Variants in DEPTOR observed in about 807,000 individuals in gnomAD.
DEPTOR encodes DEP domain-containing mTOR-interacting protein.
DEPTOR carries 41 observed loss-of-function variants against 41.6 expected under a neutral mutation model. That is an observed-to-expected ratio of 0.98 (90% CI 0.77 to 1.28). The LOEUF (loss-of-function observed/expected upper bound fraction) is 1.28, where lower values mean the gene tolerates loss of function less well. Among genes scored for constraint, DEPTOR ranks in the 50% most tolerant of loss-of-function variants. The pLI is 0.00. For synonymous variants in DEPTOR, 195 were observed against 192.3 expected, an observed-to-expected ratio of 1.01 and a Z score of -0.12; for missense variants, 514 against 527.9, an observed-to-expected ratio of 0.97 and a Z score of 0.26.
intron 1 of DEPTOR, among the ~76,000 whole-genome samples, chr8:119,908,214 GCT>G (rs538625798): frequency 9.9e-4 from 151 of 152,238 alleles, no homozygotes; most frequent in African/African-American, 3.6e-3. Flanking sequence ...GGGCATGGAA[GCT>G]CTGTGTCCCC....
intron 1 of DEPTOR, among the ~76,000 whole-genome samples, chr8:119,920,084 T>A (rs1315132918): frequency 2.1e-5 from 3 of 146,198 alleles, no homozygotes; most frequent in African/African-American, 7.8e-5. Context: ...CTGAGATGAA[T>A]AATAGGAAGG....
intron 3 of DEPTOR, among the ~76,000 whole-genome samples, chr8:119,931,497 T>C (rs1299295536): frequency 2.6e-5 from 4 of 152,162 alleles, no homozygotes. Flanking sequence ...TGGTGTGTAG[T>C]AAGACCTCAC....
At chr8:119,954,428 A>G (rs546524186) in intron 3 of DEPTOR, among the ~76,000 whole-genome samples, 2 of 152,276 alleles carry the variant, frequency 1.3e-5, no homozygotes, top group South Asian at 2.1e-4. Context: ...TTAAGGTGTG[A>G]GCCAGCATGC....
At chr8:120,022,157 TAAA>T (rs34125548) in intron 8 of DEPTOR, among the ~76,000 whole-genome samples, 7 of 93,720 alleles carry the variant, frequency 7.5e-5, no homozygotes, top group South Asian at 5.5e-4. Flanking sequence ...GACCCCATCT[TAAA>T]AAAAAAAAAA....
intron 8 of DEPTOR, among the ~76,000 whole-genome samples, chr8:120,036,358 G>C (rs1812979206): frequency 6.6e-6 from 1 of 152,082 alleles, no homozygotes; most frequent in African/African-American, 2.4e-5. Flanking sequence ...TGTTCTTTGG[G>C]GGCACCGCAT....
intron 7 of DEPTOR, 69 bp downstream of exon 7, chr8:120,006,944 G>A (rs559350172): frequency 9.5e-5 from 137 of 1,435,474 alleles, no homozygotes; most frequent in Middle Eastern, 1.8e-4. Context: ...TGTGTCAATG[G>A]GTAGCTTATA....
chr8:120,014,378 G>A (rs966224457), intron 8 of DEPTOR, among the ~76,000 whole-genome samples: 4 of 152,128 alleles, frequency 2.6e-5, no homozygotes, highest in African/African-American at 4.8e-5. Context: ...ACCCTGAGCC[G>A]TGCAAGGCTC....
rs996877307 is a variant in DEPTOR at position 120,001,078 on chromosome 8, A to G, written c.605-447A>G. On this transcript the variant is annotated intron_variant, in intron 4 of 8. Transcript: ENST00000286234. ...GGTGACAGAGCGAGACACCATCTCA[A>G]AAAAAAAGAAAAAGGATCGAGTGTG... is the stretch of plus-strand genomic sequence containing the variant. Among the ~76,000 whole-genome samples, 11 of 151,780 alleles carry G rather than the reference A, an allele frequency of 7.2e-5. 1 individual carries two copies. The highest frequency in any genetic ancestry group is 2.4e-4 in the African/African-American group (10 of 41,292).
At chr8:119,908,150 G>A (rs1265011887) in intron 1 of DEPTOR, among the ~76,000 whole-genome samples, 1 of 152,182 alleles carries the variant, frequency 6.6e-6, no homozygotes, top group Non-Finnish European at 1.5e-5. Flanking sequence ...GAGATTTGAT[G>A]AGCTTCTGAG....
chr8:119,938,474 A>G (rs946101833), intron 3 of DEPTOR, among the ~76,000 whole-genome samples: 4 of 152,118 alleles, frequency 2.6e-5, no homozygotes, highest in African/African-American at 9.7e-5. Context: ...CTAGAAATAC[A>G]TGTTTGTTAG....
At chr8:119,979,219 T>C (rs976496198) in intron 4 of DEPTOR, among the ~76,000 whole-genome samples, 1 of 152,168 alleles carries the variant, frequency 6.6e-6, no homozygotes, top group Non-Finnish European at 1.5e-5. Context: ...TTTTTAAAAA[T>C]TATTAATTAG....
chr8:119,947,289 C>G (rs1402423985), intron 3 of DEPTOR, among the ~76,000 whole-genome samples: 2 of 152,208 alleles, frequency 1.3e-5, no homozygotes, highest in African/African-American at 2.4e-5. Flanking sequence ...CTCTGGAGTA[C>G]TGTTTTGTAC....
At chr8:119,898,566 G>A (rs1025504737) in intron 1 of DEPTOR, among the ~76,000 whole-genome samples, 2 of 151,870 alleles carry the variant, frequency 1.3e-5, no homozygotes, top group Non-Finnish European at 2.9e-5. Flanking sequence ...TCTCCCAAAA[G>A]TACAAAAAAT....
chr8:120,030,496 A>ATTTTTTT (rs1812870115), intron 8 of DEPTOR, among the ~76,000 whole-genome samples: 1 of 30,904 alleles, frequency 3.2e-5, no homozygotes, highest in African/African-American at 9.8e-5. Flanking sequence ...TAGGTTCATC[A>ATTTTTTT]GTTTTTTTTT....
intron 1 of DEPTOR, among the ~76,000 whole-genome samples, chr8:119,878,605 G>T (rs183055838): frequency 0.018 from 2,792 of 151,910 alleles, 85 homozygotes; most frequent in African/African-American, 0.063. Flanking sequence ...GTGATTATAG[G>T]CGTGAGCCAC....
intron 1 of DEPTOR, among the ~76,000 whole-genome samples, chr8:119,903,254 A>G (rs775785399): frequency 1.3e-5 from 2 of 152,124 alleles, no homozygotes; most frequent in African/African-American, 4.8e-5. Context: ...CCCTGCCACC[A>G]TGCCCAGCTA....
intron 1 of DEPTOR, among the ~76,000 whole-genome samples, chr8:119,888,236 C>A (rs904706592): frequency 1.3e-5 from 2 of 152,074 alleles, no homozygotes; most frequent in African/African-American, 4.8e-5. Context: ...GAAACAACTC[C>A]TCCAAATAGA....
chr8:119,920,513 T>C lies in DEPTOR; in HGVS notation c.123-7887T>C, dbSNP rs754216759. On this transcript the variant is annotated intron_variant, in intron 1 of 8. Coordinates refer to ENST00000286234, the MANE Select transcript of DEPTOR (RefSeq NM_022783.4). ...AGCTGACCCTTGAAGATAAGTCAAA[T>C]GGTTATGAATTATTGAAGGCAGGAA... 1.1e-4 allele frequency among the ~76,000 whole-genome samples: 16 copies of C among 152,140 alleles called. No homozygotes were observed. The South Asian group carries it at 1.4e-3, about 14-fold the overall frequency.
intron 4 of DEPTOR, among the ~76,000 whole-genome samples, chr8:119,991,208 A>C (rs1272961493): frequency 6.6e-6 from 1 of 151,318 alleles, no homozygotes; most frequent in African/African-American, 2.4e-5. Context: ...TATTGTACAT[A>C]TTATTTCATC....
Sources: allele counts gnomAD v4.1 joint callset (sites outside exome capture counted in the v4.1 genomes callset), GRCh38; gene constraint gnomAD v4.1.1; transcripts MANE v1.5; gene names NCBI Gene and HGNC (gene_info 2026-07-23, HGNC 2026-07-21).